Variants in NR5A2 observed in about 807,000 individuals in gnomAD.
The protein encoded by NR5A2 is CYP7A promoter-binding factor.
Under a neutral mutation model 62.7 loss-of-function variants are expected in NR5A2, and 26 were observed. That is an observed-to-expected ratio of 0.41 (90% CI 0.30 to 0.58). The LOEUF (loss-of-function observed/expected upper bound fraction) is 0.58. Ranked by LOEUF, NR5A2 falls within the 20% of genes least tolerant of loss-of-function variation. The pLI, the probability that NR5A2 is intolerant of heterozygous loss-of-function variation, is 0.22. For synonymous variants in NR5A2, 246 were observed against 241.7 expected, an observed-to-expected ratio of 1.02 and a Z score of -0.16; for missense variants, 541 against 669.1, an observed-to-expected ratio of 0.81 and a Z score of 2.11.
chr1:200,134,778 T>C (rs540560961), intron 7 of NR5A2, among the ~76,000 whole-genome samples: 20 of 152,364 alleles, frequency 1.3e-4, no homozygotes, highest in African/African-American at 3.6e-4. Context: ...TTTTTAATTT[T>C]TAAAATTGTG....
At chr1:200,073,465 G>A (rs1270416566) in intron 5 of NR5A2, among the ~76,000 whole-genome samples, 2 of 151,472 alleles carry the variant, frequency 1.3e-5, no homozygotes, top group East Asian at 1.9e-4. Context: ...AAATGGCACA[G>A]TATTTACATA....
chr1:200,165,027 C>A (rs1041044983), intron 7 of NR5A2, among the ~76,000 whole-genome samples: 9 of 151,704 alleles, frequency 5.9e-5, no homozygotes, highest in Non-Finnish European at 1.3e-4. Flanking sequence ...CAGGCATGCA[C>A]CACCACACCC....
At chr1:200,060,314 A>G (rs1209387617) in intron 5 of NR5A2, among the ~76,000 whole-genome samples, 3 of 152,180 alleles carry the variant, frequency 2.0e-5, no homozygotes, top group Non-Finnish European at 1.5e-5. Context: ...CTCGTTCCCT[A>G]CAAGTCTGAG....
At chr1:200,044,994 A>G (rs76874947) in intron 3 of NR5A2, among the ~76,000 whole-genome samples, 3 of 151,082 alleles carry the variant, frequency 2.0e-5, no homozygotes, top group African/African-American at 7.3e-5. Flanking sequence ...AAAAAAAAAA[A>G]ATCTGAGGTG....
chr1:200,085,855 A>G (rs975764338), intron 5 of NR5A2, among the ~76,000 whole-genome samples: 9 of 152,228 alleles, frequency 5.9e-5, no homozygotes, highest in Non-Finnish European at 1.0e-4. Flanking sequence ...AAACATCTGC[A>G]AAAGACCGAC....
intron 7 of NR5A2, among the ~76,000 whole-genome samples, chr1:200,167,965 A>T (rs1014973271): frequency 1.3e-5 from 2 of 152,156 alleles, no homozygotes; most frequent in African/African-American, 4.8e-5. Context: ...TATCACATTA[A>T]TTGAGCTACT....
intron 5 of NR5A2, among the ~76,000 whole-genome samples, 190 bp from the exon 6 acceptor site, chr1:200,111,012 C>A (rs1451705838): frequency 6.6e-6 from 1 of 151,990 alleles, no homozygotes; most frequent in Non-Finnish European, 1.5e-5. Context: ...ACTATTTGTC[C>A]GAATGAAAAT....
At chr1:200,107,455 A>C (rs1665738018) in intron 5 of NR5A2, among the ~76,000 whole-genome samples, 1 of 152,214 alleles carries the variant, frequency 6.6e-6, no homozygotes, top group Non-Finnish European at 1.5e-5. Context: ...TTAGACACAA[A>C]GGAAGACAGG....
intron 7 of NR5A2, among the ~76,000 whole-genome samples, chr1:200,157,218 A>T (rs144168389): frequency 6.6e-6 from 1 of 152,228 alleles, no homozygotes; most frequent in East Asian, 1.9e-4. Context: ...ACTAATTTCA[A>T]TGTCTTATGG....
At chr1:200,075,425 C>G (rs1183329192) in intron 5 of NR5A2, among the ~76,000 whole-genome samples, 2 of 152,152 alleles carry the variant, frequency 1.3e-5, no homozygotes, top group African/African-American at 4.8e-5. Flanking sequence ...TCTATTACTG[C>G]TTTTGTTAAA....
chr1:200,081,487 G>A (rs930305893), intron 5 of NR5A2, among the ~76,000 whole-genome samples: 6 of 152,144 alleles, frequency 3.9e-5, no homozygotes, highest in Admixed American at 6.6e-5. Flanking sequence ...AATAATGCCC[G>A]CCTGTCTTCC....
intron 5 of NR5A2, among the ~76,000 whole-genome samples, chr1:200,091,554 G>A (rs1006226179): frequency 6.8e-6 from 1 of 147,120 alleles, no homozygotes; most frequent in South Asian, 2.1e-4. Flanking sequence ...GCGTGATCTC[G>A]GCTCACTGCA....
intron 3 of NR5A2, among the ~76,000 whole-genome samples, chr1:200,044,860 T>G (rs1004584686): frequency 6.6e-6 from 1 of 152,128 alleles, no homozygotes; most frequent in Non-Finnish European, 1.5e-5. Flanking sequence ...TTTCCTTCCA[T>G]TAGTTTTGCC....
At chr1:200,052,140 C>A (rs58092730) in intron 5 of NR5A2, among the ~76,000 whole-genome samples, 2,049 of 152,258 alleles carry the variant, frequency 0.013, 46 homozygotes, top group African/African-American at 0.045. Context: ...GGAAAACTTG[C>A]TGCTCTAGAG....
chr1:200,154,649 T>A (rs1653293218), intron 7 of NR5A2, among the ~76,000 whole-genome samples: 1 of 152,042 alleles, frequency 6.6e-6, no homozygotes, highest in Admixed American at 6.5e-5. Flanking sequence ...AGGCCAAGAG[T>A]TTGAATCTGA....
At chr1:200,060,124 C>T (rs1206586518) in intron 5 of NR5A2, among the ~76,000 whole-genome samples, 1 of 152,152 alleles carries the variant, frequency 6.6e-6, no homozygotes, top group Non-Finnish European at 1.5e-5. Context: ...TTTTCTTTAT[C>T]TTCTCCTCTC....
intron 2 of NR5A2, among the ~76,000 whole-genome samples, chr1:200,040,884 C>T (rs1452730300): frequency 6.6e-6 from 1 of 152,244 alleles, no homozygotes; most frequent in East Asian, 1.9e-4. Context: ...GTGCGCCGTG[C>T]GGGTTGTGAT....
intron 5 of NR5A2, among the ~76,000 whole-genome samples, chr1:200,061,096 G>A (rs1281851965): frequency 7.0e-6 from 1 of 142,138 alleles, no homozygotes; most frequent in African/African-American, 2.7e-5. Context: ...GCTCTAGCCT[G>A]GCCAACAGAG....
intron 7 of NR5A2, among the ~76,000 whole-genome samples, chr1:200,170,982 G>A (rs1481025946): frequency 6.6e-6 from 1 of 152,192 alleles, no homozygotes; most frequent in African/African-American, 2.4e-5. Flanking sequence ...GAAGCAAGGA[G>A]TTACCGGTGT....
Sources: allele counts gnomAD v4.1 joint callset (sites outside exome capture counted in the v4.1 genomes callset), GRCh38; gene constraint gnomAD v4.1.1; transcripts MANE v1.5; gene names NCBI Gene and HGNC (gene_info 2026-07-23, HGNC 2026-07-21).